ROR1: variants seen among roughly 807,000 people sequenced by gnomAD.
ROR1 encodes the protein ROR family WNT receptor 1, also known as inactive tyrosine-protein kinase transmembrane receptor ROR1.
In ROR1, 19 loss-of-function variants were observed where a neutral mutation model predicts 78.8. The ratio of observed to expected loss-of-function variants is 0.24; its 90% CI spans 0.17 to 0.35. ROR1 has a LOEUF of 0.35. ROR1 is among the 10% of genes least tolerant of loss of function. The probability of loss-of-function intolerance (pLI) is 1.00; values close to 1 mark genes in which losing one functional copy is unlikely to be tolerated. For missense variants in ROR1, 917 were observed against 1,177.8 expected, an observed-to-expected ratio of 0.78 and a Z score of 3.24; for synonymous variants, 386 against 433.6, an observed-to-expected ratio of 0.89 and a Z score of 1.36.
intron 1 of ROR1, among the ~76,000 whole-genome samples, chr1:63,863,487 T>C (rs373525926): frequency 1.3e-5 from 2 of 152,146 alleles, no homozygotes; most frequent in East Asian, 1.9e-4. Context: ...CTGGACTAGA[T>C]GTACAGAATG....
chr1:64,009,736 C>T (rs568271228), intron 2 of ROR1, among the ~76,000 whole-genome samples: 2 of 152,244 alleles, frequency 1.3e-5, no homozygotes, highest in African/African-American at 4.8e-5. Context: ...GCTGTTTGCT[C>T]GGTGACCTTT....
chr1:63,775,243 G>A (rs1057202700), intron 1 of ROR1: 1 of 152,222 alleles, frequency 6.6e-6, no homozygotes, highest in Admixed American at 6.5e-5. Context: ...ATGCATATTT[G>A]ATTTTGGTAA....
intron 1 of ROR1, among the ~76,000 whole-genome samples, chr1:63,967,570 A>T (rs1336039386): frequency 6.6e-6 from 1 of 152,118 alleles, no homozygotes; most frequent in Non-Finnish European, 1.5e-5. Flanking sequence ...TACCACCATC[A>T]TCAACCCTGT....
chr1:64,018,083 G>T (rs1385180019), intron 2 of ROR1, among the ~76,000 whole-genome samples: 1 of 152,124 alleles, frequency 6.6e-6, no homozygotes, highest in African/African-American at 2.4e-5. Context: ...TGGCTTTACA[G>T]TTTGGCCTCA....
At chr1:64,134,487 C>G (rs185294896) in intron 4 of ROR1, among the ~76,000 whole-genome samples, 1 of 152,232 alleles carries the variant, frequency 6.6e-6, no homozygotes, top group East Asian at 1.9e-4. Context: ...TTGAGTTTCT[C>G]TCTCGTAAAA....
chr1:63,882,878 A>C (rs1325274297), intron 1 of ROR1, among the ~76,000 whole-genome samples: 1 of 151,972 alleles, frequency 6.6e-6, no homozygotes, highest in East Asian at 1.9e-4. Context: ...GGCTGAGGAG[A>C]TATTTTGGTT....
At chr1:63,877,399 C>T (rs533840708) in intron 1 of ROR1, among the ~76,000 whole-genome samples, 18 of 152,168 alleles carry the variant, frequency 1.2e-4, no homozygotes, top group African/African-American at 3.6e-4. Flanking sequence ...GGGATCATAA[C>T]GCACATCACC....
intron 4 of ROR1, among the ~76,000 whole-genome samples, chr1:64,076,006 C>A (rs927647617): frequency 6.6e-6 from 1 of 152,214 alleles, no homozygotes; most frequent in Non-Finnish European, 1.5e-5. Context: ...CTGTGCCTCA[C>A]CTATCAAGAG....
intron 1 of ROR1, among the ~76,000 whole-genome samples, chr1:63,915,359 A>G (rs546811434): frequency 4.6e-5 from 7 of 152,280 alleles, no homozygotes; most frequent in Non-Finnish European, 1.5e-5. Context: ...TACAGGCTCT[A>G]AGAAGGGTGC....
At chr1:63,860,692 C>T (rs1024633202) in intron 1 of ROR1, among the ~76,000 whole-genome samples, 7 of 148,994 alleles carry the variant, frequency 4.7e-5, no homozygotes, top group Non-Finnish European at 7.4e-5. Context: ...TCGCTTGGAC[C>T]TGGGAGGTGG....
intron 1 of ROR1, chr1:63,775,302 G>C (rs1644609537): frequency 6.6e-6 from 1 of 152,360 alleles, no homozygotes. Flanking sequence ...CCGCAAGCCG[G>C]AGCGTCTTAG....
chr1:63,898,650 T>C (rs1478094993), intron 1 of ROR1, among the ~76,000 whole-genome samples: 1 of 140,326 alleles, frequency 7.1e-6, no homozygotes, highest in Non-Finnish European at 1.6e-5. Context: ...AAGAAGGGGG[T>C]GAAAGAGAAG....
intron 1 of ROR1, among the ~76,000 whole-genome samples, chr1:63,980,554 C>T (rs1435242520): frequency 6.6e-6 from 1 of 152,192 alleles, no homozygotes; most frequent in Non-Finnish European, 1.5e-5. Flanking sequence ...ATTAGCTAAA[C>T]CTTCTGTAAA....
At chr1:64,118,607 T>C (rs1378812139) in intron 4 of ROR1, among the ~76,000 whole-genome samples, 2 of 128,038 alleles carry the variant, frequency 1.6e-5, no homozygotes, top group African/African-American at 6.2e-5. Flanking sequence ...CACTCCAGCC[T>C]GAGCTACAGA....
intron 1 of ROR1, among the ~76,000 whole-genome samples, chr1:63,803,532 G>A (rs1329724315): frequency 6.6e-6 from 1 of 152,160 alleles, no homozygotes; most frequent in African/African-American, 2.4e-5. Context: ...TTTTAGTAGA[G>A]ATGGGGTTTC....
chr1:64,154,029 T>C (rs1487478364), intron 7 of ROR1, among the ~76,000 whole-genome samples: 1 of 152,222 alleles, frequency 6.6e-6, no homozygotes, highest in African/African-American at 2.4e-5. Context: ...TACTAAGATT[T>C]TTCCCAAATG....
chr1:64,128,029 G>A (rs1009037637), intron 4 of ROR1, among the ~76,000 whole-genome samples: 1 of 152,108 alleles, frequency 6.6e-6, no homozygotes, highest in South Asian at 2.1e-4. Flanking sequence ...CAGGTGGTGG[G>A]ACCTGAGCCA....
chr1:63,985,078 T>C lies in ROR1; in HGVS notation c.92-24227T>C, dbSNP rs191480357. Among the ~76,000 whole-genome samples the C allele has an allele frequency of 5.5e-4, 84 of 152,308 alleles. 1 individual carries two copies. Among genetic ancestry groups the C allele is most frequent in the Admixed American group, 5.5e-3 (84 of 15,294 alleles). ...ACCCAGGGTGTGTTGAACTCTGGAC[T>C]AATTGCTCTAAGCTGTTAAATTTTT... On this transcript the variant is annotated intron_variant, in intron 1 of 8. Transcript: ENST00000371079.
chr1:64,014,364 G>A (rs1361569480), intron 2 of ROR1, among the ~76,000 whole-genome samples: 1 of 151,978 alleles, frequency 6.6e-6, no homozygotes, highest in Non-Finnish European at 1.5e-5. Flanking sequence ...AAAGAGACAA[G>A]GCCACCCTGG....
Sources: gnomAD v4.1 joint callset for allele counts (sites outside exome capture counted in the v4.1 genomes callset) on GRCh38, gnomAD v4.1.1 for gene constraint, MANE v1.5 for transcripts, NCBI Gene and HGNC (gene_info 2026-07-23, HGNC 2026-07-21) for gene names.